Variants in TACR3 observed in about 807,000 individuals in gnomAD.
The protein encoded by TACR3 is neuromedin-K receptor.
A neutral mutation model predicts 35.0 loss-of-function variants in TACR3; 34 were observed. That is an observed-to-expected ratio of 0.97 (90% CI 0.74 to 1.30). TACR3 has a LOEUF of 1.30. TACR3 is among the 50% of genes most tolerant of loss of function. The pLI is 0.00. For synonymous variants in TACR3, 233 were observed against 221.1 expected (o/e 1.05, Z -0.48); for missense variants, 558 against 591.7 (o/e 0.94, Z 0.59).
chr4:103,713,712 T>C (rs1427709990), intron 1 of TACR3, among the ~76,000 whole-genome samples: 4 of 151,956 alleles, frequency 2.6e-5, no homozygotes, highest in African/African-American at 9.7e-5. Context: ...AAAGTCATGG[T>C]TCTGGATGAG....
chr4:103,621,743 T>A (rs1178467527), intron 3 of TACR3, among the ~76,000 whole-genome samples: 2 of 152,200 alleles, frequency 1.3e-5, no homozygotes, highest in African/African-American at 2.4e-5. Flanking sequence ...GCAAAAATTA[T>A]TATTTAGTTT....
intron 3 of TACR3, among the ~76,000 whole-genome samples, chr4:103,596,498 T>G (rs1360380778): frequency 6.6e-6 from 1 of 152,094 alleles, no homozygotes; most frequent in Non-Finnish European, 1.5e-5. Flanking sequence ...TGTCTGTTGG[T>G]ACAGGATTGA....
intron 1 of TACR3, among the ~76,000 whole-genome samples, chr4:103,684,922 T>A (rs893059668): frequency 1.3e-5 from 2 of 151,722 alleles, no homozygotes. Context: ...AGGTGGAGGT[T>A]GCAGTGAACC....
chr4:103,638,689 T>C (rs1404354315), intron 3 of TACR3, among the ~76,000 whole-genome samples: 2 of 151,926 alleles, frequency 1.3e-5, no homozygotes, highest in Admixed American at 6.6e-5. Context: ...GCAACCTACT[T>C]ATCTGACAAA....
intron 3 of TACR3, among the ~76,000 whole-genome samples, chr4:103,606,204 A>C (rs1238824442): frequency 6.6e-5 from 10 of 151,880 alleles, no homozygotes. Flanking sequence ...TGGTACCAGT[A>C]CCATGCTGTT....
chr4:103,675,928 G>T (rs555340200), intron 1 of TACR3, among the ~76,000 whole-genome samples: 53 of 152,160 alleles, frequency 3.5e-4, no homozygotes, highest in African/African-American at 1.3e-3. Flanking sequence ...TATCCCTCTT[G>T]CTCATACCTT....
At chr4:103,606,941 T>A (rs972467076) in intron 3 of TACR3, among the ~76,000 whole-genome samples, 2 of 152,138 alleles carry the variant, frequency 1.3e-5, no homozygotes, top group African/African-American at 4.8e-5. Context: ...CCATTCAGTA[T>A]GATATTGGCT....
intron 3 of TACR3, among the ~76,000 whole-genome samples, chr4:103,628,090 A>G (rs1163462600): frequency 6.6e-6 from 1 of 152,208 alleles, no homozygotes; most frequent in African/African-American, 2.4e-5. Context: ...ATGTTCGTTG[A>G]AACTAATGAG....
At chr4:103,601,042 A>G (rs1432641831) in intron 3 of TACR3, among the ~76,000 whole-genome samples, 1 of 152,070 alleles carries the variant, frequency 6.6e-6, no homozygotes, top group African/African-American at 2.4e-5. Flanking sequence ...TGATCTGTCT[A>G]ATGTTGACAG....
At chr4:103,699,357 G>T (rs1722595636) in intron 1 of TACR3, among the ~76,000 whole-genome samples, 1 of 152,176 alleles carries the variant, frequency 6.6e-6, no homozygotes, top group Non-Finnish European at 1.5e-5. Context: ...GCGGAGCACA[G>T]TGGGGAAGTG....
At chr4:103,626,089 G>A (rs1283102229) in intron 3 of TACR3, among the ~76,000 whole-genome samples, 1 of 152,146 alleles carries the variant, frequency 6.6e-6, no homozygotes, top group Non-Finnish European at 1.5e-5. Context: ...AAGCCACCCA[G>A]TCTGTGATAC....
intron 1 of TACR3, among the ~76,000 whole-genome samples, chr4:103,679,647 A>G (rs753014592): frequency 3.3e-5 from 5 of 151,912 alleles, no homozygotes; most frequent in African/African-American, 4.8e-5. Flanking sequence ...ATTGAGCTCT[A>G]CTTGTTTTAT....
chr4:103,686,590 C>T (rs1462720182), intron 1 of TACR3, among the ~76,000 whole-genome samples: 1 of 152,080 alleles, frequency 6.6e-6, no homozygotes, highest in Non-Finnish European at 1.5e-5. Flanking sequence ...TTGTTACATT[C>T]AATTATATAA....
intron 1 of TACR3, among the ~76,000 whole-genome samples, chr4:103,659,084 G>A (rs1725786845): frequency 6.6e-6 from 1 of 152,094 alleles, no homozygotes; most frequent in East Asian, 1.9e-4. Context: ...CCGCTGACCT[G>A]ACAGGAGGCG....
At chr4:103,696,305 G>T (rs1722519206) in intron 1 of TACR3, among the ~76,000 whole-genome samples, 1 of 151,866 alleles carries the variant, frequency 6.6e-6, no homozygotes, top group South Asian at 2.1e-4. Context: ...TAACATTTTT[G>T]ATAAAAGATC....
rs889166163 is a variant in TACR3, at chr4:103,589,821, G to C, written c.1259C>G (p.Thr420Ser). The change falls in exon 5 of 5, where the codon ACC becomes AGC. Residue 420 changes from threonine (T) to serine (S), a missense_variant. Thr to Ser is a moderately conservative substitution (Grantham distance 58, BLOSUM62 1). Transcript: ENST00000304883. ...TVVFDPNDAD[T>S]TRSSRKKRAT... ...TCTTTTCTTCCGACTGGACCTGGTG[G>C]TGTCTGCATCGTTGGGGTCAAACAC... is the stretch of plus-strand genomic sequence containing the variant. 1 of 1,613,818 alleles carries C rather than the reference G, an allele frequency of 6.2e-7. No individual in the cohort carries two copies. Among genetic ancestry groups the C allele is most frequent in the Admixed American group, 1.7e-5 (1 of 59,970 alleles).
chr4:103,591,406 C>T lies in TACR3; in HGVS notation c.1085+81G>A, dbSNP rs1723889903. The T allele has an allele frequency of 3.9e-6, 6 of 1,551,348 alleles. No homozygotes were observed. In the African/African-American group the frequency reaches 6.8e-5, roughly 18 times the overall value. On this transcript the variant is annotated intron_variant, in intron 4 of 4. Coordinates refer to ENST00000304883, the MANE Select transcript of TACR3 (RefSeq NM_001059.3). ...CTTCCTTCTGCATTTTGAATTTGAA[C>T]CAAGAAAATGGAACAACATTGTATG... is the stretch of plus-strand genomic sequence containing the variant.
At chr4:103,649,672 C>A (rs879379010) in intron 3 of TACR3, among the ~76,000 whole-genome samples, 1 of 152,012 alleles carries the variant, frequency 6.6e-6, no homozygotes, top group Non-Finnish European at 1.5e-5. Flanking sequence ...TCAACTCCAG[C>A]AATTTTTCTT....
At chr4:103,606,266 C>G (rs1316496903) in intron 3 of TACR3, among the ~76,000 whole-genome samples, 10 of 151,812 alleles carry the variant, frequency 6.6e-5, no homozygotes, top group African/African-American at 2.2e-4. Context: ...TGTGATGCCT[C>G]CAGCTTTGTT....
Sources: allele counts gnomAD v4.1 joint callset (sites outside exome capture counted in the v4.1 genomes callset), GRCh38; gene constraint gnomAD v4.1.1; transcripts MANE v1.5; gene names NCBI Gene and HGNC (gene_info 2026-07-23, HGNC 2026-07-21).